Variants in ARFGEF3 observed in about 807,000 individuals in gnomAD.
The protein encoded by ARFGEF3 is brefeldin A-inhibited guanine nucleotide-exchange protein 3.
Under a neutral mutation model 221.7 loss-of-function variants are expected in ARFGEF3, and 96 were observed. The observed-to-expected ratio is 0.43, with a 90% CI of 0.37 to 0.51. The LOEUF (loss-of-function observed/expected upper bound fraction) is 0.51, where lower values mean the gene tolerates loss of function less well. ARFGEF3 is among the 20% of genes least tolerant of loss of function. The pLI, the probability that ARFGEF3 is intolerant of heterozygous loss-of-function variation, is 0.00. For missense variants in ARFGEF3, 2,410 were observed against 2,789.9 expected (o/e 0.86, Z 3.07); for synonymous variants, 1,145 against 1,126.8 (o/e 1.02, Z -0.32).
chr6:138,341,185 C>A lies in ARFGEF3; in HGVS notation c.*4699C>A, dbSNP rs1172154526. On this transcript the variant is annotated 3_prime_UTR_variant, in exon 34 of 34. Transcript: ENST00000251691. ...CATTTAATCAACTCAGAATAAAGTG[C>A]CCTGTAGCCAACAGTGCCTCTTTAC... The A allele has an allele frequency of 6.5e-6, 1 of 153,036 alleles. No homozygotes were observed. The highest frequency in any genetic ancestry group is 1.5e-5 in the Non-Finnish European group (1 of 68,226). The allele number at this position is 153,036 out of a possible 1,614,324, so 9.5% of individuals were successfully genotyped here.
chr6:138,176,697 G>A (rs938126701), intron 2 of ARFGEF3, among the ~76,000 whole-genome samples: 1 of 151,770 alleles, frequency 6.6e-6, no homozygotes, highest in African/African-American at 2.4e-5. Flanking sequence ...TCCTTTGATT[G>A]CTTTATAAGA....
In ARFGEF3 at chr6:138,335,005, A is replaced by G; in HGVS notation, c.6159A>G (p.Pro2053=). 6.3e-7 allele frequency: 1 copy of G among 1,587,700 alleles called. No individual in the cohort carries two copies. The highest frequency in any genetic ancestry group is 8.6e-7 in the Non-Finnish European group (1 of 1,167,764). Residue 2053 remains proline, a synonymous_variant, in exon 33 of 34, where the codon CCA becomes CCG. Coordinates refer to ENST00000251691, the MANE Select transcript of ARFGEF3 (RefSeq NM_020340.5). ...KEVKVEKKGE[P]LGPRGQDSPL... ...TCAAAGTGGAGAAGAAAGGAGAGCC[A>G]CTGGGTCCCAGGGGCCAGGACTCCC...
At chr6:138,269,185 C>T (rs1253475522) in intron 12 of ARFGEF3, among the ~76,000 whole-genome samples, 1 of 152,228 alleles carries the variant, frequency 6.6e-6, no homozygotes, top group Non-Finnish European at 1.5e-5. Flanking sequence ...CGGTGGGCAG[C>T]CACAGACCTG....
intron 4 of ARFGEF3, chr6:138,218,129 G>A: frequency 6.2e-7 from 1 of 1,613,928 alleles, no homozygotes; most frequent in Non-Finnish European, 8.5e-7. Context: ...AACCTTTCAT[G>A]GTCAAGTGTG....
chr6:138,316,720 C>T (rs1299373207), intron 26 of ARFGEF3, among the ~76,000 whole-genome samples: 4 of 152,044 alleles, frequency 2.6e-5, no homozygotes, highest in East Asian at 1.9e-4. Flanking sequence ...GGGACTGGAG[C>T]GAGGAAGAAA....
At chr6:138,257,101 G>A (rs547718983) in intron 10 of ARFGEF3, among the ~76,000 whole-genome samples, 4 of 152,238 alleles carry the variant, frequency 2.6e-5, no homozygotes, top group East Asian at 1.9e-4. Context: ...AGTTAAGAAT[G>A]TTACTTCTTT....
chr6:138,187,211 G>A lies in ARFGEF3; in HGVS notation c.137+16498G>A, dbSNP rs1159054427. 5.9e-5 allele frequency among the ~76,000 whole-genome samples: 9 copies of A among 152,076 alleles called. 1 individual carries two copies. Among genetic ancestry groups the A allele is most frequent in the Admixed American group, 2.0e-4 (3 of 15,278 alleles). On this transcript the variant is annotated intron_variant, in intron 2 of 33. Transcript: ENST00000251691. ...ATTACAGGCATGAGCCACAGCTCCC[G>A]GCCCTCTCATCCTTTTGAAGGAGGC...
chr6:138,335,150 C>G lies in ARFGEF3; in HGVS notation c.6304C>G (p.Leu2102Val), dbSNP rs1410408773. The change falls in exon 33 of 34, where the codon CTC becomes GTC. Residue 2102 changes from leucine to valine, a missense_variant. Coordinates refer to ENST00000251691, the MANE Select transcript of ARFGEF3 (RefSeq NM_020340.5). Reference sequence around the variant, plus strand: ...CCGCTCAGGCTCCACCGGGAGCTCCCTCAGTGTCTCGGTGAGAGACGCAGA... The same window carrying G: ...CCGCTCAGGCTCCACCGGGAGCTCCGTCAGTGTCTCGGTGAGAGACGCAGA... The part of the protein sequence containing the change: ...RPRSGSTGSS[L>V]SVSVRDAEAQ... 1 of 1,580,278 alleles carries G rather than the reference C, an allele frequency of 6.3e-7. No homozygotes were observed. Among genetic ancestry groups the G allele is most frequent in the East Asian group, 2.2e-5 (1 of 44,446 alleles).
chr6:138,207,540 C>T (rs916065086), intron 3 of ARFGEF3, among the ~76,000 whole-genome samples: 10 of 152,176 alleles, frequency 6.6e-5, no homozygotes, highest in East Asian at 1.9e-4. Context: ...TTTTATTCCA[C>T]GGTTAGATTG....
In ARFGEF3 at chr6:138,168,215, A is replaced by G. The variant is rs372028135; in HGVS notation, c.86-2447A>G. 6.6e-5 allele frequency among the ~76,000 whole-genome samples: 10 copies of G among 152,364 alleles called. No individual in the cohort carries two copies. The East Asian group carries it at 1.7e-3, about 26-fold the overall frequency. ...AGTAATCAAGATAAATAAATAAAATACACATGACAGCAAAGAGAGTGATAA... is the reference window on the plus strand; with the variant it reads ...AGTAATCAAGATAAATAAATAAAATGCACATGACAGCAAAGAGAGTGATAA... On this transcript the variant is annotated intron_variant, in intron 1 of 33. Coordinates refer to ENST00000251691, the MANE Select transcript of ARFGEF3 (RefSeq NM_020340.5).
chr6:138,307,265 A>C lies in ARFGEF3; in HGVS notation c.3841A>C (p.Ile1281Leu), dbSNP rs746538903. ...TTGCCTCTACCAGGTTGTCACATCCATTGGTGAGCTGGTTGAAGTGTGTTC... is the reference window on the plus strand; with the variant it reads ...TTGCCTCTACCAGGTTGTCACATCCCTTGGTGAGCTGGTTGAAGTGTGTTC... ...EDVQDQVVTS[I>L]GELVEVCSTQ... Residue 1281 changes from isoleucine (I) to leucine (L), a missense_variant, in exon 23 of 34, where the codon ATT becomes CTT. Physicochemically the swap from Ile to Leu is conservative, Grantham distance 5 (BLOSUM62 2). Coordinates refer to ENST00000251691, the MANE Select transcript of ARFGEF3 (RefSeq NM_020340.5). The C allele has an allele frequency of 6.2e-6, 10 of 1,613,598 alleles. No homozygotes were observed. Among genetic ancestry groups the C allele is most frequent in the Admixed American group, 5.0e-5 (3 of 60,008 alleles).
chr6:138,294,638 G>C (rs1412373839), intron 20 of ARFGEF3, among the ~76,000 whole-genome samples: 1 of 152,214 alleles, frequency 6.6e-6, no homozygotes, highest in South Asian at 2.1e-4. Flanking sequence ...TATCCCTGTT[G>C]TCTCCAATGA....
chr6:138,286,818 G>A lies in ARFGEF3; in HGVS notation c.2687G>A (p.Gly896Glu). 2 of 1,614,020 alleles carry A rather than the reference G, an allele frequency of 1.2e-6. No individual in the cohort carries two copies. Among genetic ancestry groups the A allele is most frequent in the African/African-American group, 2.7e-5 (2 of 75,056 alleles). The change falls in exon 16 of 34, where the codon GGA becomes GAA. Residue 896 changes from glycine to glutamate, a missense_variant. Gly to Glu is a moderately conservative substitution (Grantham distance 98). Coordinates refer to ENST00000251691, the MANE Select transcript of ARFGEF3 (RefSeq NM_020340.5). ...GSSKGLAFIL[G>E]AEGIKEQNQK... ...TCCAAAGGGCTGGCCTTCATTCTGG[G>A]AGCTGAAGGCATCAAAGAGCAGAAC...
In ARFGEF3 at chr6:138,180,609, G is replaced by A. The variant is rs567623281; in HGVS notation, c.137+9896G>A. Among the ~76,000 whole-genome samples the A allele has an allele frequency of 3.3e-5, 5 of 152,294 alleles. No individual in the cohort carries two copies. The South Asian group carries it at 1.0e-3, about 32-fold the overall frequency. ...TTACCATAAAAAAAAAGGCGGGCAG[G>A]TTGGGGGAGCTTTAAGACACTTTGG... On this transcript the variant is annotated intron_variant, in intron 2 of 33. Transcript: ENST00000251691.
chr6:138,237,703 C>G (rs1201413247), intron 5 of ARFGEF3, among the ~76,000 whole-genome samples: 1 of 151,896 alleles, frequency 6.6e-6, no homozygotes, highest in East Asian at 1.9e-4. Context: ...CTCACAGCAG[C>G]CTAGAGAAGA....
Position 138,162,434 on chromosome 6 carries a change from G to A in ARFGEF3, c.85+263G>A, listed in dbSNP as rs918042477. On this transcript the variant is annotated intron_variant, in intron 1 of 33. Transcript: ENST00000251691. The surrounding 1 kb of genome is among the most constrained non-coding windows in gnomAD (Gnocchi z 4.7). ...CCTGCCTGGCGGCCCCCTTCTCCTG[G>A]TCCCGGCGCTGGGGACGATGCTTCC... 1.3e-5 allele frequency among the ~76,000 whole-genome samples: 2 copies of A among 152,174 alleles called. No homozygotes were observed. The highest frequency in any genetic ancestry group is 4.8e-5 in the African/African-American group (2 of 41,454).
Position 138,278,584 on chromosome 6 carries a change from C to G in ARFGEF3, c.2262C>G (p.Tyr754Ter). The part of the protein sequence containing the change: ...LNLKLSHGDY[Y>*]RKRPTLAPGV... ...TGAAGCTCTCCCACGGTGACTACTA[C>G]AGGAAGCGGCCGACCCTGGCGCCAG... The change falls in exon 13 of 34, where the codon TAC (tyrosine) becomes TAG (stop). Residue 754 changes from tyrosine to a stop codon, truncating the protein, a stop_gained. Transcript: ENST00000251691. LOFTEE classifies it high-confidence loss of function. The G allele has an allele frequency of 6.2e-7, 1 of 1,613,978 alleles. No individual in the cohort carries two copies. Among genetic ancestry groups the G allele is most frequent in the Non-Finnish European group, 8.5e-7 (1 of 1,179,890 alleles).
At position 138,163,969 on chromosome 6, in the gene ARFGEF3, T is replaced by C. The variant is rs76135926; in HGVS notation, c.85+1798T>C. ...TGGGGCTTTTGAAGTAGATTTCACTTGAAGAATGGGGAAGCTATGGGTTCC... is the reference window on the plus strand; with the variant it reads ...TGGGGCTTTTGAAGTAGATTTCACTCGAAGAATGGGGAAGCTATGGGTTCC... On this transcript the variant is annotated intron_variant, in intron 1 of 33. Transcript: ENST00000251691. 1.7e-4 allele frequency among the ~76,000 whole-genome samples: 26 copies of C among 152,198 alleles called. No homozygotes were observed. In the East Asian group the frequency reaches 4.8e-3, roughly 28 times the overall value.
chr6:138,229,966 A>G (rs1778159907), intron 5 of ARFGEF3, 114 bp downstream of exon 5: 3 of 857,278 alleles, frequency 3.5e-6, no homozygotes, highest in South Asian at 2.9e-5. Flanking sequence ...TCTGATTACT[A>G]CCGTGGGGAA....
Sources: gnomAD v4.1 joint callset for allele counts (sites outside exome capture counted in the v4.1 genomes callset) on GRCh38, gnomAD v4.1.1 for gene constraint, Gnocchi (gnomAD v3.1) non-coding constraint, MANE v1.5 for transcripts, NCBI Gene and HGNC (gene_info 2026-07-23, HGNC 2026-07-21) for gene names.